Variants in EDEM1 observed in about 807,000 individuals in gnomAD.
EDEM1 encodes ER degradation enhancing alpha-mannosidase like protein 1, also known as ER degradation-enhancing alpha-mannosidase-like protein 1.
A neutral mutation model predicts 74.4 loss-of-function variants in EDEM1; 67 were observed. The observed-to-expected ratio is 0.90, with a 90% confidence interval of 0.74 to 1.10. EDEM1 has a LOEUF of 1.10. EDEM1 is among the 50% of genes least tolerant of loss of function. EDEM1 has a pLI of 0.00. For synonymous variants in EDEM1, 382 were observed against 335.9 expected, an observed-to-expected ratio of 1.14 and a Z score of -1.50; for missense variants, 926 against 851.6, an observed-to-expected ratio of 1.09 and a Z score of -1.09.
rs1575589922 is a variant in EDEM1 at position 5,207,151 on chromosome 3, A to G, written c.1218-2A>G. On this transcript the variant is annotated splice_acceptor_variant, in intron 6 of 11. Coordinates refer to ENST00000256497, the MANE Select transcript of EDEM1 (RefSeq NM_014674.3). LOFTEE classifies it high-confidence loss of function. ...CACTGAATGTGCTGCTTGGGTTTGC[A>G]GGCGGGAAGCCTGCAATGAAGGAGA... 1 of 1,613,890 alleles carries G rather than the reference A, an allele frequency of 6.2e-7. No individual in the cohort carries two copies. Among genetic ancestry groups the G allele is most frequent in the Non-Finnish European group, 8.5e-7 (1 of 1,179,928 alleles).
Position 5,211,234 on chromosome 3 carries a change from T to C in EDEM1, c.1680+18T>C, listed in dbSNP as rs774475580. 58 of 1,608,600 alleles carry C rather than the reference T, an allele frequency of 3.6e-5. No individual in the cohort carries two copies. Among genetic ancestry groups the C allele is most frequent in the Non-Finnish European group, 4.8e-5 (56 of 1,175,072 alleles). Reference sequence around the variant, plus strand: ...TGTATCTGGTATGTGTGTTGCAAGATGAACCCAGGAATATTTAGTATTGCT... The same window carrying C: ...TGTATCTGGTATGTGTGTTGCAAGACGAACCCAGGAATATTTAGTATTGCT... On this transcript the variant is annotated intron_variant, in intron 10 of 11. Coordinates refer to ENST00000256497, the MANE Select transcript of EDEM1 (RefSeq NM_014674.3).
Position 5,205,248 on chromosome 3 carries a change from C to G in EDEM1, c.1217+7C>G, listed in dbSNP as rs757008226. 34 of 1,610,028 alleles carry G rather than the reference C, an allele frequency of 2.1e-5. No homozygotes were observed. Among genetic ancestry groups the G allele is most frequent in the Non-Finnish European group, 2.8e-5 (33 of 1,177,930 alleles). On this transcript the variant is annotated splice_region_variant and intron_variant, in intron 6 of 11. Transcript: ENST00000256497. The stretch of plus-strand genomic sequence containing the variant: ...AGAACTACTTAAGAAGAGGGTATGT[C>G]TCCCTAACATCTCCTCTGTTGCCTT...
Position 5,216,134 on chromosome 3 carries a change from TGA to T in EDEM1, c.*219_*220del. 2 of 530,926 alleles carry T rather than the reference TGA, an allele frequency of 3.8e-6. No homozygotes were observed. The highest frequency in any genetic ancestry group is 6.5e-6 in the Non-Finnish European group (2 of 305,548). The allele number at this position is 530,926 out of a possible 1,614,324, so 32.9% of individuals were successfully genotyped here. A position where few individuals can be genotyped will look rare whatever the true frequency, so the allele number is the denominator to read the frequency against. On this transcript the variant is annotated 3_prime_UTR_variant, in exon 12 of 12. Coordinates refer to ENST00000256497, the MANE Select transcript of EDEM1 (RefSeq NM_014674.3). Reference sequence around the variant, plus strand: ...GCCCTGTTAAGGATATAATTTGAAGTGAGAAGATACATGGAAATTGCCCTCTT... The same window carrying T: ...GCCCTGTTAAGGATATAATTTGAAGTGAAGATACATGGAAATTGCCCTCTT...
chr3:5,194,394 A>C (rs1050134773), intron 1 of EDEM1, among the ~76,000 whole-genome samples: 1 of 152,186 alleles, frequency 6.6e-6, no homozygotes, highest in Admixed American at 6.5e-5. Context: ...CTTCATCCCT[A>C]TTCTCCCAGA....
Position 5,215,948 on chromosome 3 carries a change from C to G in EDEM1, c.*30C>G. 6.3e-7 allele frequency: 1 copy of G among 1,589,716 alleles called. No homozygotes were observed. The highest frequency in any genetic ancestry group is 8.6e-7 in the Non-Finnish European group (1 of 1,163,274). ...CTCTCTGTGAGGCCTCATCTTGAAC[C>G]AGACCTTAACGACCAAACCCAGACC... On this transcript the variant is annotated 3_prime_UTR_variant, in exon 12 of 12. Transcript: ENST00000256497.
Position 5,208,276 on chromosome 3 carries a change from T to C in EDEM1, c.1509+13T>C, listed in dbSNP as rs965754102. 6 of 1,594,882 alleles carry C rather than the reference T, an allele frequency of 3.8e-6. No individual in the cohort carries two copies. The African/African-American group carries it at 6.9e-5, about 18-fold the overall frequency. On this transcript the variant is annotated intron_variant, in intron 8 of 11. Transcript: ENST00000256497. The stretch of plus-strand genomic sequence containing the variant: ...TCTCCTCTACCAGGTACTAGAGTTG[T>C]GTTTTTTTTTTTTTCCTTTCACTGC...
intron 2 of EDEM1, among the ~76,000 whole-genome samples, chr3:5,198,662 C>CTTTTTTTTTTTTTTTTTTTTTTTT (rs57260414): frequency 2.7e-5 from 2 of 75,160 alleles, no homozygotes; most frequent in South Asian, 5.3e-4. Context: ...ACGTATATAG[C>CTTTTTTTTTTTTTTTTTTTTTTTT]TTTTTTTTTT....
At position 5,188,231 on chromosome 3, in the gene EDEM1, C is replaced by T. The variant is rs750350351; in HGVS notation, c.426C>T (p.Tyr142=). The T allele has an allele frequency of 1.9e-6, 3 of 1,585,078 alleles. No homozygotes were observed. The highest frequency in any genetic ancestry group is 1.8e-5 in the Admixed American group (1 of 56,872). Residue 142 remains tyrosine, a synonymous_variant, in exon 1 of 12, where the codon TAC becomes TAT. Transcript: ENST00000256497. ...DLARGMFVFG[Y]DNYMAHAFPQ... is the part of the protein sequence containing the mutation. ...CACGGGGCATGTTCGTCTTTGGCTA[C>T]GACAACTACATGGCTCACGCCTTCC...
chr3:5,194,224 TG>T (rs1195986693), intron 1 of EDEM1, among the ~76,000 whole-genome samples: 2 of 152,242 alleles, frequency 1.3e-5, no homozygotes, highest in Admixed American at 1.3e-4. Flanking sequence ...GGAGCTTTTT[TG>T]CTTTGGTTGC....
chr3:5,190,496 G>A lies in EDEM1; in HGVS notation c.509+2182G>A, dbSNP rs74459359. Among the ~76,000 whole-genome samples, 255 of 152,336 alleles carry A rather than the reference G, an allele frequency of 1.7e-3. 6 individuals carry two copies. In the East Asian group the frequency reaches 0.045, roughly 27 times the overall value. On this transcript the variant is annotated intron_variant, in intron 1 of 11. Coordinates refer to ENST00000256497, the MANE Select transcript of EDEM1 (RefSeq NM_014674.3). Reference sequence around the variant, plus strand: ...AATCCCTTCCCAGCAAAGTGAGGTGGTGGTTGATTTAACTTGCTGGTCTTT... The same window carrying A: ...AATCCCTTCCCAGCAAAGTGAGGTGATGGTTGATTTAACTTGCTGGTCTTT...
At chr3:5,200,457 C>G (rs2055021443) in intron 3 of EDEM1, among the ~76,000 whole-genome samples, 1 of 152,168 alleles carries the variant, frequency 6.6e-6, no homozygotes, top group South Asian at 2.1e-4. Flanking sequence ...CTATTTCTCT[C>G]TCTGTCTCTC....
intron 2 of EDEM1, among the ~76,000 whole-genome samples, chr3:5,197,064 CTT>C (rs34982467): frequency 0.027 from 3,073 of 115,580 alleles, 137 homozygotes; most frequent in African/African-American, 0.085. Flanking sequence ...GAGTAGCTGG[CTT>C]TTTTTTTTTT....
chr3:5,201,618 A>C, intron 3 of EDEM1, 135 bp from the exon 4 acceptor site: 1 of 936,772 alleles, frequency 1.1e-6, no homozygotes, highest in Non-Finnish European at 1.6e-6. Flanking sequence ...TCAAGAGTCC[A>C]TTAAGTCAGG....
At chr3:5,192,601 C>T (rs1187906326) in intron 1 of EDEM1, among the ~76,000 whole-genome samples, 2 of 152,170 alleles carry the variant, frequency 1.3e-5, no homozygotes, top group African/African-American at 2.4e-5. Context: ...GCTGGATGAA[C>T]TTAAAGGTAT....
intron 7 of EDEM1, among the ~76,000 whole-genome samples, chr3:5,207,705 A>G (rs341980): frequency 6.6e-6 from 1 of 151,908 alleles, no homozygotes; most frequent in Non-Finnish European, 1.5e-5. Context: ...ACGGGGTTTC[A>G]CTGTGTTGTC....
At chr3:5,215,237 T>C (rs758059144) in intron 11 of EDEM1, among the ~76,000 whole-genome samples, 8 of 148,034 alleles carry the variant, frequency 5.4e-5, no homozygotes, top group Non-Finnish European at 8.9e-5. Flanking sequence ...CTTCCAGGGA[T>C]GTCACAGTTG....
At chr3:5,195,309 T>A in intron 2 of EDEM1, 28 bp downstream of exon 2, 4 of 1,432,368 alleles carry the variant, frequency 2.8e-6, no homozygotes, top group Non-Finnish European at 3.8e-6. Context: ...TTTAAAAAAA[T>A]GAATTAAGAT....
Position 5,188,253 on chromosome 3 carries a change from T to C in EDEM1, c.448T>C (p.Phe150Leu). The C allele has an allele frequency of 1.3e-6, 2 of 1,578,018 alleles. No homozygotes were observed. Among genetic ancestry groups the C allele is most frequent in the Non-Finnish European group, 1.7e-6 (2 of 1,164,460 alleles). The change falls in exon 1 of 12, where the codon TTC becomes CTC. Residue 150 changes from phenylalanine to leucine, a missense_variant. Physicochemically the swap from Phe to Leu is conservative, Grantham distance 22 (BLOSUM62 0). Coordinates refer to ENST00000256497, the MANE Select transcript of EDEM1 (RefSeq NM_014674.3). ...FGYDNYMAHA[F>L]PQDELNPIHC... ...CTACGACAACTACATGGCTCACGCCTTCCCCCAGGACGAGCTCAACCCCAT... is the reference window on the plus strand; with the variant it reads ...CTACGACAACTACATGGCTCACGCCCTCCCCCAGGACGAGCTCAACCCCAT...
Position 5,217,828 on chromosome 3 carries a change from T to C in EDEM1, c.*1910T>C, listed in dbSNP as rs1424111430. 2 of 152,176 alleles carry C rather than the reference T, an allele frequency of 1.3e-5. No homozygotes were observed. The highest frequency in any genetic ancestry group is 4.8e-5 in the African/African-American group (2 of 41,446). 9.4% of individuals were successfully genotyped at this position (152,176 alleles called of 1,614,324 possible). On this transcript the variant is annotated 3_prime_UTR_variant, in exon 12 of 12. Transcript: ENST00000256497. ...ACATGCATGCATGCACACACGAGCA[T>C]ACTTGTACCTTTGTCTCTGGGCAAA...
Sources: allele counts gnomAD v4.1 joint callset (sites outside exome capture counted in the v4.1 genomes callset), GRCh38; gene constraint gnomAD v4.1.1; transcripts MANE v1.5; gene names NCBI Gene and HGNC (gene_info 2026-07-23, HGNC 2026-07-21).